SMG6: variants seen among roughly 807,000 people sequenced by gnomAD.
SMG6 encodes the protein SMG6 nonsense mediated mRNA decay factor.
A neutral mutation model predicts 142.2 loss-of-function variants in SMG6; 66 were observed. That is an observed-to-expected ratio of 0.46 (90% CI 0.38 to 0.57). The LOEUF is 0.57. Among genes scored for constraint, SMG6 ranks in the 20% least tolerant of loss-of-function variants. The pLI, the probability that SMG6 is intolerant of heterozygous loss-of-function variation, is 0.00. For missense variants in SMG6, 1,793 were observed against 1,832.0 expected, an observed-to-expected ratio of 0.98 and a Z score of 0.39; for synonymous variants, 779 against 702.4, an observed-to-expected ratio of 1.11 and a Z score of -1.72.
rs1359344122 is a variant in SMG6 at position 2,282,811 on chromosome 17, C to G, written c.2497G>C (p.Asp833His). Residue 833 changes from aspartate to histidine, a missense_variant, in exon 8 of 19, where the codon GAC becomes CAC. Physicochemically the swap from Asp to His is moderately conservative, Grantham distance 81. Transcript: ENST00000263073. The stretch of plus-strand genomic sequence containing the variant: ...GACTTCTTTCCTTTCCGCCACTGGT[C>G]AGGGCTCAGGTCAAATTCCTCATGT... Reference protein sequence around the residue: ...KQHEEFDLSPDQWRKGKKSTF... With the variant: ...KQHEEFDLSPHQWRKGKKSTF... The G allele has an allele frequency of 6.2e-7, 1 of 1,614,168 alleles. No individual in the cohort carries two copies. The highest frequency in any genetic ancestry group is 2.2e-5 in the East Asian group (1 of 44,882).
At chr17:2,187,617 A>C (rs1401913064) in intron 11 of SMG6, among the ~76,000 whole-genome samples, 1 of 152,230 alleles carries the variant, frequency 6.6e-6, no homozygotes, top group Non-Finnish European at 1.5e-5. Context: ...GACGAACGTA[A>C]GCCCATATGG....
At chr17:2,108,762 C>T (rs958132225) in intron 13 of SMG6, among the ~76,000 whole-genome samples, 6 of 152,064 alleles carry the variant, frequency 3.9e-5, no homozygotes, top group African/African-American at 4.8e-5. Flanking sequence ...GCCAATACAG[C>T]GAAGACCCGT....
At chr17:2,277,527 TC>T (rs2074689475) in intron 8 of SMG6, among the ~76,000 whole-genome samples, 1 of 152,202 alleles carries the variant, frequency 6.6e-6, no homozygotes, top group South Asian at 2.1e-4. Context: ...TAAATCAGGC[TC>T]CTATCTTTTT....
chr17:2,290,428 C>A (rs971760301), intron 6 of SMG6, among the ~76,000 whole-genome samples: 1 of 152,212 alleles, frequency 6.6e-6, no homozygotes, highest in East Asian at 1.9e-4. Flanking sequence ...TAAATCTATA[C>A]ACGAGCCTTA....
At chr17:2,091,674 T>TTC (rs1734125394) in intron 13 of SMG6, among the ~76,000 whole-genome samples, 1 of 21,080 alleles carries the variant, frequency 4.7e-5, no homozygotes, top group Non-Finnish European at 1.0e-4. Flanking sequence ...GTCTTTTTGC[T>TTC]TTTTTTTTTT....
At chr17:2,173,844 G>C (rs2071578478) in intron 12 of SMG6, among the ~76,000 whole-genome samples, 1 of 120,120 alleles carries the variant, frequency 8.3e-6, no homozygotes, top group African/African-American at 3.1e-5. Flanking sequence ...GATCCATAAA[G>C]CTTTTTTTTT....
intron 10 of SMG6, among the ~76,000 whole-genome samples, chr17:2,206,298 C>G (rs1386402630): frequency 6.6e-6 from 1 of 152,084 alleles, no homozygotes; most frequent in Admixed American, 6.6e-5. Context: ...TTAAGAAGCT[C>G]TATAGGCCAG....
rs1052604337 is a variant in SMG6, at chr17:2,060,692, A to G, written c.*800T>C. On this transcript the variant is annotated 3_prime_UTR_variant, in exon 19 of 19. Coordinates refer to ENST00000263073, the MANE Select transcript of SMG6 (RefSeq NM_017575.5). ...GGAGTCAGGACATTTCCTGAAGAGG[A>G]AGCTAGACGGAAAGAAAGGCCAGTG... The G allele has an allele frequency of 6.6e-6, 1 of 152,262 alleles. No individual in the cohort carries two copies. Among genetic ancestry groups the G allele is most frequent in the African/African-American group, 2.4e-5 (1 of 41,354 alleles). The allele number at this position is 152,262 out of a possible 1,614,324, so 9.4% of individuals were successfully genotyped here.
intron 4 of SMG6, among the ~76,000 whole-genome samples, chr17:2,293,829 AC>A (rs2075091661): frequency 6.6e-6 from 1 of 152,202 alleles, no homozygotes. Context: ...ACTGAATTGT[AC>A]CACGGCATTA....
chr17:2,172,127 C>T (rs983978272), intron 13 of SMG6, among the ~76,000 whole-genome samples: 3 of 152,154 alleles, frequency 2.0e-5, no homozygotes, highest in African/African-American at 7.2e-5. Context: ...GGTTAAAACG[C>T]AGTCCTCAGA....
intron 8 of SMG6, among the ~76,000 whole-genome samples, chr17:2,258,062 C>CACATATATAT (rs1555567106): frequency 2.5e-5 from 3 of 120,318 alleles, no homozygotes; most frequent in Non-Finnish European, 5.2e-5. Context: ...CACACACACA[C>CACATATATAT]ACACATATAT....
chr17:2,207,143 G>T lies in SMG6; in HGVS notation c.2870-18628C>A, dbSNP rs983548332. Among the ~76,000 whole-genome samples, 3 of 135,948 alleles carry T rather than the reference G, an allele frequency of 2.2e-5. No homozygotes were observed. In the South Asian group the frequency reaches 7.1e-4, roughly 32 times the overall value. 89.2% of individuals were successfully genotyped at this position (135,948 alleles called of 152,430 possible). A position where few individuals can be genotyped will look rare whatever the true frequency, so the allele number is the denominator to read the frequency against. On this transcript the variant is annotated intron_variant, in intron 10 of 18. Transcript: ENST00000263073. Reference sequence around the variant, plus strand: ...AAAAAAAAAAAAAAAAAAAAAAATAGCAGGCATGGTGGTACATGCCTATAA... The same window carrying T: ...AAAAAAAAAAAAAAAAAAAAAAATATCAGGCATGGTGGTACATGCCTATAA...
intron 10 of SMG6, among the ~76,000 whole-genome samples, chr17:2,231,966 T>C (rs1482277836): frequency 6.6e-6 from 1 of 152,014 alleles, no homozygotes; most frequent in Non-Finnish European, 1.5e-5. Flanking sequence ...ATGAGTAACA[T>C]CCAGTGATTT....
chr17:2,144,277 G>C (rs2070590080), intron 13 of SMG6, among the ~76,000 whole-genome samples: 1 of 152,006 alleles, frequency 6.6e-6, no homozygotes, highest in Non-Finnish European at 1.5e-5. Context: ...CTCGAGACCA[G>C]GCTGGTCTCA....
At position 2,071,519 on chromosome 17, in the gene SMG6, G is replaced by T. The variant is rs1353428290; in HGVS notation, c.3682-2588C>A. 6.6e-6 allele frequency among the ~76,000 whole-genome samples: 1 copy of T among 152,184 alleles called. No homozygotes were observed. Among genetic ancestry groups the T allele is most frequent in the African/African-American group, 2.4e-5 (1 of 41,442 alleles). On this transcript the variant is annotated intron_variant, in intron 15 of 18. Transcript: ENST00000263073. This position sits in a 1 kb window ranked among gnomAD's most constrained non-coding sequence, Gnocchi z 5.6. Reference sequence around the variant, plus strand: ...GAATAGGCCGCAGCCTTTCAGAGGGGGCTTCCCTGGGTGTGGGGTGGGGCC... The same window carrying T: ...GAATAGGCCGCAGCCTTTCAGAGGGTGCTTCCCTGGGTGTGGGGTGGGGCC...
intron 13 of SMG6, among the ~76,000 whole-genome samples, chr17:2,160,668 A>G (rs2071148468): frequency 6.6e-6 from 1 of 152,094 alleles, no homozygotes; most frequent in African/African-American, 2.4e-5. Flanking sequence ...CGTTTCCACA[A>G]AAAATTTAAA....
At chr17:2,227,877 T>A (rs78325807) in intron 10 of SMG6, among the ~76,000 whole-genome samples, 1 of 151,870 alleles carries the variant, frequency 6.6e-6, no homozygotes, top group African/African-American at 2.4e-5. Context: ...AATGGAAAAA[T>A]GGATAAACTA....
At chr17:2,094,182 C>T (rs77829168) in intron 13 of SMG6, among the ~76,000 whole-genome samples, 3,398 of 152,290 alleles carry the variant, frequency 0.022, 64 homozygotes, top group South Asian at 0.067. Context: ...GGGGTACGGG[C>T]GGTGGCTCTG....
At chr17:2,248,897 T>TG (rs2073980652) in intron 8 of SMG6, among the ~76,000 whole-genome samples, 1 of 151,986 alleles carries the variant, frequency 6.6e-6, no homozygotes, top group African/African-American at 2.4e-5. Flanking sequence ...AGAACTTTTT[T>TG]TTTTTTTGAG....
Sources: gnomAD v4.1 joint callset for allele counts (sites outside exome capture counted in the v4.1 genomes callset) on GRCh38, gnomAD v4.1.1 for gene constraint, Gnocchi (gnomAD v3.1) non-coding constraint, MANE v1.5 for transcripts, NCBI Gene and HGNC (gene_info 2026-07-23, HGNC 2026-07-21) for gene names.